The following CDH11 variants were observed in gnomAD, a reference collection of about 807,000 sequenced individuals.
The protein encoded by CDH11 is cadherin-11.
CDH11 carries 11 observed loss-of-function variants against 67.8 expected under a neutral mutation model. The observed-to-expected ratio is 0.16, with a 90% confidence interval of 0.10 to 0.27. The LOEUF (loss-of-function observed/expected upper bound fraction) is 0.27. CDH11 is among the 10% of genes least tolerant of loss of function. The pLI is 1.00. For synonymous variants in CDH11, 419 were observed against 400.0 expected, an observed-to-expected ratio of 1.05 and a Z score of -0.57; for missense variants, 847 against 1,031.2, an observed-to-expected ratio of 0.82 and a Z score of 2.45.
chr16:65,100,476 C>T lies in CDH11; in HGVS notation c.-298+21404G>A, dbSNP rs149042444. ...AAAACTGGCTGGACATGGTGGCTCA[C>T]GCCTGTAATCCCAGCACTTTAGAAG... is the stretch of plus-strand genomic sequence containing the variant. On this transcript the variant is annotated intron_variant, in intron 1 of 12. Transcript: ENST00000268603. 5.5e-3 allele frequency among the ~76,000 whole-genome samples: 838 copies of T among 152,134 alleles called. 11 individuals are homozygous for T. Among genetic ancestry groups the T allele is most frequent in the African/African-American group, 0.019 (775 of 41,518 alleles).
intron 1 of CDH11, among the ~76,000 whole-genome samples, chr16:65,078,321 C>G (rs949572660): frequency 2.0e-5 from 3 of 152,148 alleles, no homozygotes; most frequent in African/African-American, 7.2e-5. Context: ...AGTGTGTTTA[C>G]CGAGCTCAAA....
intron 1 of CDH11, among the ~76,000 whole-genome samples, chr16:65,100,257 G>A (rs16968480): frequency 0.26 from 39,954 of 151,906 alleles, 5,954 homozygotes; most frequent in Middle Eastern, 0.36. Context: ...TTGAGGATTA[G>A]TTAGTGACAG....
At chr16:64,979,310 G>T (rs1264028717) in intron 8 of CDH11, among the ~76,000 whole-genome samples, 1 of 152,120 alleles carries the variant, frequency 6.6e-6, no homozygotes, top group African/African-American at 2.4e-5. Flanking sequence ...AGCTGGGCCT[G>T]GTGGTGTGCA....
intron 2 of CDH11, among the ~76,000 whole-genome samples, chr16:65,005,469 AGAAAG>A (rs2073033280): frequency 6.6e-6 from 1 of 152,184 alleles, no homozygotes; most frequent in Non-Finnish European, 1.5e-5. Context: ...TGCTGTAATA[AGAAAG>A]GAGAGTGTGG....
intron 8 of CDH11, among the ~76,000 whole-genome samples, chr16:64,977,529 C>G (rs772172287): frequency 5.9e-5 from 9 of 152,192 alleles, no homozygotes; most frequent in African/African-American, 9.7e-5. Flanking sequence ...AAACTTCACA[C>G]TGTGAAGATT....
At chr16:65,042,917 G>T (rs964866722) in intron 2 of CDH11, among the ~76,000 whole-genome samples, 4 of 152,144 alleles carry the variant, frequency 2.6e-5, no homozygotes, top group African/African-American at 9.7e-5. Flanking sequence ...TTCTCTAACA[G>T]GGTGGGAAAA....
rs1426485937 is a variant in CDH11, at chr16:64,945,342, TAAC to T, written c.*2258_*2260del. ...AAAGAAAAAGAAAAACAAGTATTCTTAACTACTGAAAAGTAAACAGCCTTTTTA... is the reference window on the plus strand; with the variant it reads ...AAAGAAAAAGAAAAACAAGTATTCTTTACTGAAAAGTAAACAGCCTTTTTA... On this transcript the variant is annotated 3_prime_UTR_variant, in exon 13 of 13. Coordinates refer to ENST00000268603, the MANE Select transcript of CDH11 (RefSeq NM_001797.4). 7 of 876,510 alleles carry T rather than the reference TAAC, an allele frequency of 8.0e-6. No homozygotes were observed. In the South Asian group the frequency reaches 2.7e-4, roughly 33 times the overall value. 54.3% of individuals were successfully genotyped at this position (876,510 alleles called of 1,614,324 possible). A position where few individuals can be genotyped will look rare whatever the true frequency, so the allele number is the denominator to read the frequency against.
intron 2 of CDH11, among the ~76,000 whole-genome samples, chr16:65,045,556 T>A (rs1030241169): frequency 6.6e-6 from 1 of 151,492 alleles, no homozygotes; most frequent in Non-Finnish European, 1.5e-5. Context: ...GGTGGCAGAT[T>A]TTAGTATAGC....
intron 6 of CDH11, among the ~76,000 whole-genome samples, chr16:64,989,726 T>G (rs2072583786): frequency 6.6e-6 from 1 of 152,166 alleles, no homozygotes; most frequent in Non-Finnish European, 1.5e-5. Flanking sequence ...AGGTTTGCAC[T>G]AAGTAGCTAA....
chr16:65,022,731 A>G (rs1010070013), intron 2 of CDH11, among the ~76,000 whole-genome samples: 5 of 152,230 alleles, frequency 3.3e-5, no homozygotes, highest in African/African-American at 1.2e-4. Flanking sequence ...TGAGTATCCC[A>G]GGTGGTGCTA....
At chr16:64,994,417 TA>T (rs1337022656) in intron 4 of CDH11, among the ~76,000 whole-genome samples, 3 of 152,234 alleles carry the variant, frequency 2.0e-5, no homozygotes, top group African/African-American at 7.2e-5. Context: ...ATCCTCATTT[TA>T]TAGATGGCAA....
chr16:65,122,153 G>T (rs1364196908), upstream of CDH11: 1 of 554,316 alleles, frequency 1.8e-6, no homozygotes. Context: ...GGCGGGAGGA[G>T]GGAGGCTGCC....
chr16:65,078,384 A>G (rs2074552559), intron 1 of CDH11, among the ~76,000 whole-genome samples: 1 of 152,186 alleles, frequency 6.6e-6, no homozygotes, highest in South Asian at 2.1e-4. Context: ...TGGTGGCATC[A>G]GGCATATGTG....
intron 2 of CDH11, among the ~76,000 whole-genome samples, chr16:65,040,638 A>G (rs933836228): frequency 3.9e-5 from 6 of 152,300 alleles, no homozygotes; most frequent in African/African-American, 7.2e-5. Context: ...GCACACCAAC[A>G]TGGCACATGT....
intron 4 of CDH11, among the ~76,000 whole-genome samples, chr16:64,995,070 A>G: frequency 6.6e-6 from 1 of 152,160 alleles, no homozygotes; most frequent in East Asian, 1.9e-4. Context: ...GACACAAACA[A>G]ATGGAATATT....
chr16:65,042,771 T>C (rs2073887710), intron 2 of CDH11, among the ~76,000 whole-genome samples: 1 of 152,218 alleles, frequency 6.6e-6, no homozygotes, highest in Non-Finnish European at 1.5e-5. Context: ...CAACTTCTGA[T>C]CCTGACAGTG....
intron 7 of CDH11, among the ~76,000 whole-genome samples, chr16:64,984,512 C>A (rs2072435694): frequency 6.6e-6 from 1 of 152,168 alleles, no homozygotes; most frequent in Non-Finnish European, 1.5e-5. Context: ...AATGAGGCAA[C>A]ACATTGCATA....
intron 1 of CDH11, among the ~76,000 whole-genome samples, chr16:65,106,126 A>C (rs1597202640): frequency 1.3e-5 from 2 of 152,310 alleles, no homozygotes; most frequent in South Asian, 4.1e-4. Flanking sequence ...GGGTCAAGTC[A>C]GTGTGACCGA....
At chr16:64,998,402 C>T in intron 4 of CDH11, 160 bp downstream of exon 4, 3 of 695,988 alleles carry the variant, frequency 4.3e-6, no homozygotes, top group South Asian at 3.7e-5. Context: ...TTGTTATTCC[C>T]ATTTTACAGA....
Sources: gnomAD v4.1 joint callset for allele counts (sites outside exome capture counted in the v4.1 genomes callset) on GRCh38, gnomAD v4.1.1 for gene constraint, MANE v1.5 for transcripts, NCBI Gene and HGNC (gene_info 2026-07-23, HGNC 2026-07-21) for gene names.